UNC79: variants seen among roughly 807,000 people sequenced by gnomAD.
UNC79 encodes the protein protein unc-79 homolog.
A neutral mutation model predicts 283.1 loss-of-function variants in UNC79; 37 were observed. The observed-to-expected ratio is 0.13, with a 90% confidence interval of 0.10 to 0.17. The LOEUF is 0.17. UNC79 is among the 10% of genes least tolerant of loss of function. UNC79 has a pLI of 1.00. For synonymous variants in UNC79, 1,107 were observed against 1,200.2 expected (o/e 0.92, Z 1.61); for missense variants, 2,272 against 3,211.1 (o/e 0.71, Z 7.07).
At chr14:93,534,454 A>G (rs961469762) in intron 11 of UNC79, among the ~76,000 whole-genome samples, 2 of 152,118 alleles carry the variant, frequency 1.3e-5, no homozygotes, top group Admixed American at 6.5e-5. Flanking sequence ...GTGGATTTTT[A>G]GTGAATCTCA....
intron 1 of UNC79, among the ~76,000 whole-genome samples, chr14:93,410,298 C>A (rs368219707): frequency 1.3e-5 from 2 of 152,220 alleles, no homozygotes; most frequent in African/African-American, 4.8e-5. Flanking sequence ...ATCACCTATC[C>A]CAGCGGTCTG....
At chr14:93,601,240 T>C (rs1029947222) in intron 25 of UNC79, among the ~76,000 whole-genome samples, 4 of 152,070 alleles carry the variant, frequency 2.6e-5, no homozygotes, top group African/African-American at 4.8e-5. Flanking sequence ...TAGTCTTTTA[T>C]CCCTCACCCC....
At chr14:93,411,544 G>C (rs985779079) in intron 1 of UNC79, among the ~76,000 whole-genome samples, 1 of 152,216 alleles carries the variant, frequency 6.6e-6, no homozygotes, top group Non-Finnish European at 1.5e-5. Context: ...TGACCACAGT[G>C]GGGGCTTGTG....
intron 1 of UNC79, among the ~76,000 whole-genome samples, chr14:93,442,326 T>A (rs1429973757): frequency 6.6e-6 from 1 of 152,166 alleles, no homozygotes; most frequent in Non-Finnish European, 1.5e-5. Flanking sequence ...CGTACACATG[T>A]TGGGTGTTTT....
chr14:93,653,322 C>CATAT (rs60148384), intron 35 of UNC79, among the ~76,000 whole-genome samples: 33,781 of 148,092 alleles, frequency 0.23, 4,378 homozygotes, highest in South Asian at 0.32. Context: ...TCTCTCACTG[C>CATAT]ATATATATAT....
At chr14:93,557,786 G>A (rs1447992488) in intron 14 of UNC79, among the ~76,000 whole-genome samples, 1 of 152,208 alleles carries the variant, frequency 6.6e-6, no homozygotes, top group South Asian at 2.1e-4. Flanking sequence ...TCATGAATGG[G>A]CAAAGCCTTA....
intron 1 of UNC79, among the ~76,000 whole-genome samples, chr14:93,404,999 A>C (rs979165251): frequency 6.6e-6 from 1 of 152,126 alleles, no homozygotes; most frequent in African/African-American, 2.4e-5. Flanking sequence ...ATCCACAAGA[A>C]GAGTCGGGAG....
At chr14:93,480,024 C>G (rs1207536904) in intron 4 of UNC79, among the ~76,000 whole-genome samples, 1 of 152,216 alleles carries the variant, frequency 6.6e-6, no homozygotes, top group African/African-American at 2.4e-5. Context: ...TATCAGGCCT[C>G]TGAAGTTACA....
At chr14:93,695,409 A>G (rs921430334) in intron 47 of UNC79, among the ~76,000 whole-genome samples, 7 of 152,248 alleles carry the variant, frequency 4.6e-5, no homozygotes, top group Non-Finnish European at 1.0e-4. Context: ...GAACAAGATC[A>G]TTGGTTCAAA....
chr14:93,617,097 G>A lies in UNC79; in HGVS notation c.4042-25G>A. On this transcript the variant is annotated intron_variant, in intron 27 of 48. Coordinates refer to ENST00000555664, the Ensembl canonical transcript of UNC79. The surrounding 1 kb of genome is among the most constrained non-coding windows in gnomAD (Gnocchi z 4.5). ...GAGTGTTCTTTGTAGTTTTCCATCA[G>A]TTATTAATATTTTTTCTATTTCAGG... 1 of 1,584,572 alleles carries A rather than the reference G, an allele frequency of 6.3e-7. No homozygotes were observed. The highest frequency in any genetic ancestry group is 1.3e-5 in the African/African-American group (1 of 74,220).
At chr14:93,469,300 G>A (rs1357489162) in intron 2 of UNC79, among the ~76,000 whole-genome samples, 2 of 152,184 alleles carry the variant, frequency 1.3e-5, no homozygotes, top group Non-Finnish European at 1.5e-5. Flanking sequence ...TTGTTCAAGT[G>A]GCTTGTTGGA....
intron 1 of UNC79, chr14:93,347,458 G>A (rs1165189331): frequency 2.9e-6 from 4 of 1,384,792 alleles, no homozygotes; most frequent in African/African-American, 1.5e-5. Flanking sequence ...GCGCCCCGAC[G>A]GGTGGGGAGA....
chr14:93,538,998 G>A (rs1429806731), intron 12 of UNC79, among the ~76,000 whole-genome samples: 4 of 151,452 alleles, frequency 2.6e-5, no homozygotes, highest in African/African-American at 9.7e-5. Flanking sequence ...CGCCTCCTGG[G>A]TTCAAGCGAT....
rs372796992 is a variant in UNC79 at position 93,690,340 on chromosome 14, G to A, written c.7272+37G>A. On this transcript the variant is annotated intron_variant, in intron 45 of 48. Coordinates refer to ENST00000555664, the Ensembl canonical transcript of UNC79. The surrounding 1 kb of genome is among the most constrained non-coding windows in gnomAD (Gnocchi z 4.3). Reference sequence around the variant, plus strand: ...CTGCAAGATTAAGACCGTATGCATCGCAATTGCTAATGGAAACCTTATCAG... The same window carrying A: ...CTGCAAGATTAAGACCGTATGCATCACAATTGCTAATGGAAACCTTATCAG... 67 of 1,580,778 alleles carry A rather than the reference G, an allele frequency of 4.2e-5. 1 individual carries two copies. Among genetic ancestry groups the A allele is most frequent in the South Asian group, 3.5e-4 (30 of 86,320 alleles).
At chr14:93,525,547 T>C (rs2141003026) in intron 8 of UNC79, among the ~76,000 whole-genome samples, 1 of 152,310 alleles carries the variant, frequency 6.6e-6, no homozygotes, top group South Asian at 2.1e-4. Context: ...AATAGACATT[T>C]GGGGTTCAGA....
At chr14:93,682,971 TA>T (rs1013766444) in intron 42 of UNC79, among the ~76,000 whole-genome samples, 2 of 152,238 alleles carry the variant, frequency 1.3e-5, no homozygotes, top group Admixed American at 6.5e-5. Flanking sequence ...TGTTATCTAT[TA>T]AAAATATTAA....
chr14:93,339,628 TC>T (rs1287761856), intron 1 of UNC79, among the ~76,000 whole-genome samples: 3 of 152,360 alleles, frequency 2.0e-5, no homozygotes, highest in Admixed American at 2.0e-4. Flanking sequence ...ATACTGTCTT[TC>T]TGTTACTCGT....
At chr14:93,502,412 C>CAA (rs35504755) in intron 7 of UNC79, among the ~76,000 whole-genome samples, 2 of 149,564 alleles carry the variant, frequency 1.3e-5, no homozygotes, top group African/African-American at 4.9e-5. Context: ...GACAATGTCT[C>CAA]AAAAAAAAAT....
chr14:93,627,275 C>T (rs1197513458), intron 30 of UNC79, among the ~76,000 whole-genome samples: 2 of 152,132 alleles, frequency 1.3e-5, no homozygotes, highest in Non-Finnish European at 2.9e-5. Context: ...GGTCTCTGTC[C>T]TTGATCCTAG....
Sources: allele counts gnomAD v4.1 joint callset (sites outside exome capture counted in the v4.1 genomes callset), GRCh38; gene constraint gnomAD v4.1.1; non-coding constraint Gnocchi (gnomAD v3.1); transcripts MANE v1.5; gene names NCBI Gene and HGNC (gene_info 2026-07-23, HGNC 2026-07-21).